FMNL3: variants seen among roughly 807,000 people sequenced by gnomAD.
FMNL3 encodes the protein formin like 3, also known as formin-like protein 3.
Under a neutral mutation model 119.6 loss-of-function variants are expected in FMNL3, and 57 were observed. That is an observed-to-expected ratio of 0.48 (90% CI 0.39 to 0.59). The LOEUF is 0.59. FMNL3 is among the 20% of genes least tolerant of loss of function. The pLI, the probability that FMNL3 is intolerant of heterozygous loss-of-function variation, is 0.00. For missense variants in FMNL3, 1,053 were observed against 1,323.5 expected, an observed-to-expected ratio of 0.80 and a Z score of 3.17; for synonymous variants, 491 against 507.3, an observed-to-expected ratio of 0.97 and a Z score of 0.43.
intron 4 of FMNL3, among the ~76,000 whole-genome samples, chr12:49,663,586 TGCC>T (rs1943801410): frequency 6.6e-6 from 1 of 152,248 alleles, no homozygotes; most frequent in Non-Finnish European, 1.5e-5. Flanking sequence ...ATGGCAGGCA[TGCC>T]TAAAATGCCA....
intron 1 of FMNL3, among the ~76,000 whole-genome samples, chr12:49,677,848 T>C (rs1345661847): frequency 3.3e-5 from 5 of 152,104 alleles, no homozygotes; most frequent in African/African-American, 1.2e-4. Flanking sequence ...CTGAAAGAAA[T>C]GTCACAGGAT....
rs1943253516 is a variant in FMNL3, at chr12:49,647,738, A to G, written c.2743T>C (p.Phe915Leu). The change falls in exon 23 of 26, where the codon TTC becomes CTC. Residue 915 changes from phenylalanine (F) to leucine (L), a missense_variant. By Grantham distance (22) the Phe-to-Leu change is conservative. Transcript: ENST00000335154. This position sits in a 1 kb window ranked among gnomAD's most constrained non-coding sequence, Gnocchi z 4.9. ...SPKTTPPSVFFPVFVRFIRSY... is the reference protein window; with the variant it reads ...SPKTTPPSVFLPVFVRFIRSY... ...CGAATGAATCGGACAAATACTGGGA[A>G]GAATACAGAAGGAGGTGTAGTCTTG... The G allele has an allele frequency of 6.2e-7, 1 of 1,614,098 alleles. No individual in the cohort carries two copies. Among genetic ancestry groups the G allele is most frequent in the African/African-American group, 1.3e-5 (1 of 74,954 alleles).
At chr12:49,689,932 C>T (rs553810223) in intron 1 of FMNL3, among the ~76,000 whole-genome samples, 1 of 152,176 alleles carries the variant, frequency 6.6e-6, no homozygotes, top group African/African-American at 2.4e-5. Context: ...AAAGACCTGA[C>T]TAAATCCCCT....
intron 1 of FMNL3, among the ~76,000 whole-genome samples, chr12:49,703,862 G>A (rs958307877): frequency 1.3e-5 from 2 of 152,124 alleles, no homozygotes; most frequent in Non-Finnish European, 2.9e-5. Context: ...CTCTTCAGGG[G>A]GTTTTCCACA....
At chr12:49,705,225 G>A (rs774943938) in intron 1 of FMNL3, among the ~76,000 whole-genome samples, 18 of 152,144 alleles carry the variant, frequency 1.2e-4, no homozygotes, top group Non-Finnish European at 2.2e-4. Context: ...AAGGCATGAG[G>A]AAACAAATCA....
At chr12:49,662,748 C>T (rs1295776966) in intron 4 of FMNL3, among the ~76,000 whole-genome samples, 1 of 152,212 alleles carries the variant, frequency 6.6e-6, no homozygotes, top group East Asian at 1.9e-4. Context: ...AGGTAGACAA[C>T]AAAGCACCTA....
At chr12:49,659,419 A>T (rs1248976072) in intron 5 of FMNL3, among the ~76,000 whole-genome samples, 3 of 151,204 alleles carry the variant, frequency 2.0e-5, no homozygotes, top group African/African-American at 7.4e-5. Flanking sequence ...TATTATTATT[A>T]TTTTTTAAAG....
At chr12:49,662,236 G>C (rs1943754423) in intron 4 of FMNL3, among the ~76,000 whole-genome samples, 187 bp from the exon 5 acceptor site, 1 of 152,144 alleles carries the variant, frequency 6.6e-6, no homozygotes, top group African/African-American at 2.4e-5. Flanking sequence ...GGGAAGTCAG[G>C]GATGGGGAAA....
At chr12:49,662,133 C>A (rs1943751198) in intron 4 of FMNL3, 84 bp from the exon 5 acceptor site, 2 of 1,246,576 alleles carry the variant, frequency 1.6e-6, no homozygotes, top group South Asian at 2.4e-5. Context: ...GACCCAACAC[C>A]TCCTCCTCCT....
At chr12:49,679,851 C>A (rs550901011) in intron 1 of FMNL3, among the ~76,000 whole-genome samples, 2 of 152,188 alleles carry the variant, frequency 1.3e-5, no homozygotes, top group Non-Finnish European at 2.9e-5. Context: ...CCATGCACTG[C>A]GCCAACTGGG....
rs1230252568 is a variant in FMNL3 at position 49,647,165 on chromosome 12, C to G, written c.2871+111G>C. 3.2e-6 allele frequency: 5 copies of G among 1,546,236 alleles called. No individual in the cohort carries two copies. Among genetic ancestry groups the G allele is most frequent in the East Asian group, 2.3e-5 (1 of 44,420 alleles). ...TCCCTCTGGATGCCAGCCCACTGGC[C>G]CTCTGGGTGGTCTGTCCACTCCAAG... On this transcript the variant is annotated intron_variant, in intron 24 of 25. Transcript: ENST00000335154. The surrounding 1 kb of genome is among the most constrained non-coding windows in gnomAD (Gnocchi z 4.9).
At chr12:49,660,505 G>A (rs1943701171) in intron 5 of FMNL3, among the ~76,000 whole-genome samples, 1 of 152,210 alleles carries the variant, frequency 6.6e-6, no homozygotes, top group African/African-American at 2.4e-5. Flanking sequence ...GACTTCTGCT[G>A]AGACAAGAAT....
intron 1 of FMNL3, among the ~76,000 whole-genome samples, chr12:49,686,307 C>T (rs1436448036): frequency 1.4e-5 from 2 of 146,714 alleles, no homozygotes; most frequent in African/African-American, 2.5e-5. Flanking sequence ...CCTGGCTGGA[C>T]GTGGTGGCTC....
At chr12:49,673,018 G>A (rs4569075) in intron 1 of FMNL3, among the ~76,000 whole-genome samples, 4,591 of 152,302 alleles carry the variant, frequency 0.03, 101 homozygotes, top group Middle Eastern at 0.078. Context: ...AGCAGGGGCT[G>A]TTTGTTTTGA....
intron 1 of FMNL3, 82 bp from the exon 2 acceptor site, chr12:49,668,636 G>C (rs1943955970): frequency 8.0e-7 from 1 of 1,248,862 alleles, no homozygotes; most frequent in Non-Finnish European, 1.2e-6. Context: ...ACACCTTTCT[G>C]CTACTGGGCC....
chr12:49,647,926 A>T lies in FMNL3; in HGVS notation c.2677-122T>A. On this transcript the variant is annotated intron_variant, in intron 22 of 25. Coordinates refer to ENST00000335154, the MANE Select transcript of FMNL3 (RefSeq NM_175736.5). This position sits in a 1 kb window ranked among gnomAD's most constrained non-coding sequence, Gnocchi z 4.9. ...CCAAAGGGAGGAAAACCAAGCACCC[A>T]GGCCCCTGTGAGCTGGAGGGAACCT... 1 of 856,800 alleles carries T rather than the reference A, an allele frequency of 1.2e-6. No individual in the cohort carries two copies. Among genetic ancestry groups the T allele is most frequent in the East Asian group, 2.7e-5 (1 of 37,548 alleles). 53.1% of individuals were successfully genotyped at this position (856,800 alleles called of 1,614,324 possible).
chr12:49,637,647 C>A lies in FMNL3; in HGVS notation c.*8168G>T. The A allele has an allele frequency of 1.3e-6, 2 of 1,569,024 alleles. No individual in the cohort carries two copies. The highest frequency in any genetic ancestry group is 1.7e-5 in the Admixed American group (1 of 59,372). On this transcript the variant is annotated 3_prime_UTR_variant, in exon 26 of 26. Transcript: ENST00000335154. ...CCTGCCCTGCCAGCCTCTCTGCACC[C>A]CCTACTACCGGCTCCTGTCCTCGGC... is the stretch of plus-strand genomic sequence containing the variant.
chr12:49,653,403 A>C, intron 12 of FMNL3, 76 bp from the exon 13 acceptor site: 1 of 1,472,242 alleles, frequency 6.8e-7, no homozygotes, highest in Non-Finnish European at 9.5e-7. Context: ...CCTAGTCAAG[A>C]CCTGAGTCGG....
At chr12:49,695,754 G>T (rs1480704242) in intron 1 of FMNL3, among the ~76,000 whole-genome samples, 1 of 151,740 alleles carries the variant, frequency 6.6e-6, no homozygotes, top group Non-Finnish European at 1.5e-5. Flanking sequence ...TCCCCCAAAA[G>T]ATGTAAATTT....
Sources: allele counts gnomAD v4.1 joint callset (sites outside exome capture counted in the v4.1 genomes callset), GRCh38; gene constraint gnomAD v4.1.1; non-coding constraint Gnocchi (gnomAD v3.1); transcripts MANE v1.5; gene names NCBI Gene and HGNC (gene_info 2026-07-23, HGNC 2026-07-21).